The following LEPR variants were observed in gnomAD, a reference collection of about 807,000 sequenced individuals.
LEPR encodes the protein leptin receptor.
A neutral mutation model predicts 114.7 loss-of-function variants in LEPR; 56 were observed. That is an observed-to-expected ratio of 0.49 (90% CI 0.39 to 0.61). The LOEUF is 0.61. Ranked by LOEUF, LEPR falls within the 20% of genes least tolerant of loss-of-function variation. LEPR has a pLI of 0.00. For synonymous variants in LEPR, 443 were observed against 461.4 expected (o/e 0.96, Z 0.51); for missense variants, 1,202 against 1,352.9 (o/e 0.89, Z 1.75).
chr1:65,488,117 CTT>C (rs1491097300), intron 2 of LEPR, among the ~76,000 whole-genome samples: 2 of 122,972 alleles, frequency 1.6e-5, no homozygotes, highest in Non-Finnish European at 3.2e-5. Context: ...CTCTTTCTTT[CTT>C]TCTTTCTTTC....
intron 2 of LEPR, among the ~76,000 whole-genome samples, chr1:65,465,264 G>A (rs1397145954): frequency 1.3e-5 from 2 of 152,110 alleles, no homozygotes; most frequent in African/African-American, 4.8e-5. Flanking sequence ...CTTCATTTCT[G>A]CCTTTATTTT....
chr1:65,505,608 C>CA (rs1202798730), intron 2 of LEPR, among the ~76,000 whole-genome samples: 1 of 152,154 alleles, frequency 6.6e-6, no homozygotes, highest in Non-Finnish European at 1.5e-5. Context: ...ATGGTTCTGG[C>CA]AGTGGCTGCG....
In LEPR at chr1:65,570,631, GCTGTTGAA is replaced by G; in HGVS notation, c.201_208del (p.Val68Ter). ...AAATTCGAATGGACATTATGAGACAGCTGTTGAACCTAAGTTTAATTCAAGTGGTACTC... is the reference window on the plus strand; with the variant it reads ...AAATTCGAATGGACATTATGAGACAGCCTAAGTTTAATTCAAGTGGTACTC... On this transcript the variant is annotated frameshift_variant, in exon 4 of 20. Coordinates refer to ENST00000349533, the MANE Select transcript of LEPR (RefSeq NM_002303.6). LOFTEE classifies it high-confidence loss of function. 6.2e-7 allele frequency: 1 copy of G among 1,613,986 alleles called. No individual in the cohort carries two copies. Among genetic ancestry groups the G allele is most frequent in the Non-Finnish European group, 8.5e-7 (1 of 1,179,936 alleles).
rs550347312 is a variant in LEPR at position 65,440,000 on chromosome 1, CAAAAAAAAA to C, written c.-21+14638_-21+14646del. Among the ~76,000 whole-genome samples, 24 of 58,142 alleles carry C rather than the reference CAAAAAAAAA, an allele frequency of 4.1e-4. No individual in the cohort carries two copies. The South Asian group carries it at 7.7e-3, about 19-fold the overall frequency. 38.1% of individuals were successfully genotyped at this position (58,142 alleles called of 152,430 possible). A position where few individuals can be genotyped will look rare whatever the true frequency, so the allele number is the denominator to read the frequency against. The stretch of plus-strand genomic sequence containing the variant: ...TGGGCGAGGAAGAGAGATTCTGTCT[CAAAAAAAAA>C]AAAAAAAAAAAAAAAGAAAAAGAAA... On this transcript the variant is annotated intron_variant, in intron 2 of 19. Transcript: ENST00000349533.
intron 2 of LEPR, among the ~76,000 whole-genome samples, chr1:65,556,772 T>C (rs1306344041): frequency 1.3e-5 from 2 of 151,930 alleles, no homozygotes; most frequent in African/African-American, 4.8e-5. Flanking sequence ...AGTTGAGTGG[T>C]GGGGAGAGCA....
chr1:65,626,401 C>A, intron 19 of LEPR: 1 of 738,698 alleles, frequency 1.4e-6, no homozygotes, highest in Non-Finnish European at 1.7e-6. Flanking sequence ...AAATATTTGA[C>A]TTTCTAATCT....
intron 19 of LEPR, among the ~76,000 whole-genome samples, chr1:65,632,173 A>G (rs571261461): frequency 8.9e-4 from 135 of 152,202 alleles, no homozygotes; most frequent in African/African-American, 3.2e-3. Context: ...CTCCCAGAAC[A>G]CCATCCTCAC....
intron 2 of LEPR, among the ~76,000 whole-genome samples, chr1:65,481,012 A>G (rs2100451512): frequency 6.6e-6 from 1 of 152,310 alleles, no homozygotes; most frequent in East Asian, 1.9e-4. Flanking sequence ...ATTTTCTCAC[A>G]GCTTTGGAGG....
intron 2 of LEPR, among the ~76,000 whole-genome samples, chr1:65,453,247 T>G (rs562455370): frequency 0.017 from 2,588 of 150,134 alleles, 57 homozygotes; most frequent in South Asian, 0.091. Flanking sequence ...GATTCATTAA[T>G]TTTTTGAAGG....
intron 2 of LEPR, among the ~76,000 whole-genome samples, chr1:65,494,402 C>T (rs1044074730): frequency 7.9e-5 from 12 of 152,072 alleles, no homozygotes; most frequent in African/African-American, 1.9e-4. Flanking sequence ...TGAGGGCTTA[C>T]GTCTCTTATA....
chr1:65,488,853 G>A (rs1173260315), intron 2 of LEPR, among the ~76,000 whole-genome samples: 1 of 151,834 alleles, frequency 6.6e-6, no homozygotes, highest in East Asian at 1.9e-4. Flanking sequence ...TCCCACATGT[G>A]AGTGAGAACA....
rs959173871 is a variant in LEPR, at chr1:65,561,470, T to C, written c.-20-4076T>C. Among the ~76,000 whole-genome samples, 20 of 26,748 alleles carry C rather than the reference T, an allele frequency of 7.5e-4. 7 individuals carry two copies. The highest frequency in any genetic ancestry group is 9.5e-4 in the African/African-American group (4 of 4,226). The allele number at this position is 26,748 out of a possible 152,430, so 17.5% of individuals were successfully genotyped here. ...TTTTCTTTATTAGTCTTGCTAGTGG[T>C]CTATCAATTTTGTTGATCCTTTCAA... is the stretch of plus-strand genomic sequence containing the variant. On this transcript the variant is annotated intron_variant, in intron 2 of 19. Coordinates refer to ENST00000349533, the MANE Select transcript of LEPR (RefSeq NM_002303.6).
At chr1:65,509,420 C>G (rs1298857458) in intron 2 of LEPR, among the ~76,000 whole-genome samples, 1 of 151,962 alleles carries the variant, frequency 6.6e-6, no homozygotes. Context: ...CTGTCAAACC[C>G]TTTTCTGCAT....
At chr1:65,436,960 T>TCTGTAAAGTTTCATGATTTCTTA (rs1553152068) in intron 2 of LEPR, among the ~76,000 whole-genome samples, 1 of 152,206 alleles carries the variant, frequency 6.6e-6, no homozygotes, top group Non-Finnish European at 1.5e-5. Context: ...ATCACCACAC[T>TCTGTAAAGTTTCATGATTTCTTA]CTGTAAAGTT....
intron 2 of LEPR, chr1:65,430,175 C>T (rs1187463241): frequency 1.0e-5 from 8 of 800,694 alleles, no homozygotes; most frequent in South Asian, 3.4e-5. Context: ...TTTAGTTTCT[C>T]TGTTCCTCTA....
At position 65,640,406 on chromosome 1, in the gene LEPR, C is replaced by G. The variant is rs1045024570; in HGVS notation, c.*3391C>G. The G allele has an allele frequency of 6.6e-6, 1 of 152,196 alleles. No individual in the cohort carries two copies. The highest frequency in any genetic ancestry group is 1.5e-5 in the Non-Finnish European group (1 of 68,030). 9.4% of individuals were successfully genotyped at this position (152,196 alleles called of 1,614,324 possible). A position where few individuals can be genotyped will look rare whatever the true frequency, so the allele number is the denominator to read the frequency against. ...CATCTTGATAGTTACCTTAACAAACCTTTCTCAGCTATTTATTATTGAGAA... is the reference window on the plus strand; with the variant it reads ...CATCTTGATAGTTACCTTAACAAACGTTTCTCAGCTATTTATTATTGAGAA... On this transcript the variant is annotated 3_prime_UTR_variant, in exon 20 of 20. Coordinates refer to ENST00000349533, the MANE Select transcript of LEPR (RefSeq NM_002303.6).
intron 3 of LEPR, among the ~76,000 whole-genome samples, chr1:65,568,632 C>T (rs756990459): frequency 2.0e-5 from 3 of 152,086 alleles, no homozygotes; most frequent in Non-Finnish European, 2.9e-5. Context: ...CTGTGACAAA[C>T]ATATGACCGC....
chr1:65,634,412 A>G (rs1290185866), intron 19 of LEPR: 1 of 970,922 alleles, frequency 1.0e-6, no homozygotes, highest in Admixed American at 6.2e-5. Flanking sequence ...CTCAACACAT[A>G]TTTAATATGT....
At chr1:65,605,824 A>G (rs1289643081) in intron 11 of LEPR, among the ~76,000 whole-genome samples, 19 of 152,206 alleles carry the variant, frequency 1.2e-4, no homozygotes. Context: ...TCATTGTGAA[A>G]TCTCTGAGAA....
Sources: gnomAD v4.1 joint callset for allele counts (sites outside exome capture counted in the v4.1 genomes callset) on GRCh38, gnomAD v4.1.1 for gene constraint, MANE v1.5 for transcripts, NCBI Gene and HGNC (gene_info 2026-07-23, HGNC 2026-07-21) for gene names.